The following CNTNAP2 variants were observed in gnomAD, a reference collection of about 807,000 sequenced individuals.
CNTNAP2 encodes the protein contactin-associated protein-like 2.
In CNTNAP2, 98 loss-of-function variants were observed where a neutral mutation model predicts 155.2. The ratio of observed to expected loss-of-function variants is 0.63; its 90% CI spans 0.54 to 0.75. CNTNAP2 has a LOEUF of 0.75. Among genes scored for constraint, CNTNAP2 ranks in the 30% least tolerant of loss-of-function variants. The pLI is 0.00. For missense variants in CNTNAP2, 1,727 were observed against 1,688.1 expected (o/e 1.02, Z -0.40); for synonymous variants, 651 against 631.2 (o/e 1.03, Z -0.47).
chr7:146,278,036 C>G (rs1243863852), intron 1 of CNTNAP2, among the ~76,000 whole-genome samples: 7 of 152,146 alleles, frequency 4.6e-5, no homozygotes, highest in Admixed American at 4.6e-4. Context: ...GACACAGAAG[C>G]AAAAGATACT....
At chr7:147,848,463 G>A (rs1187192369) in intron 13 of CNTNAP2, among the ~76,000 whole-genome samples, 7 of 150,414 alleles carry the variant, frequency 4.7e-5, no homozygotes, top group Admixed American at 6.6e-5. Context: ...GCTCGCACAC[G>A]GTGCGCACAC....
At chr7:147,567,047 G>T (rs1300540573) in intron 12 of CNTNAP2, among the ~76,000 whole-genome samples, 1 of 152,132 alleles carries the variant, frequency 6.6e-6, no homozygotes, top group Non-Finnish European at 1.5e-5. Flanking sequence ...CAGACGTATG[G>T]CAAATAATAG....
chr7:146,826,100 TC>T (rs1468494242), intron 2 of CNTNAP2, among the ~76,000 whole-genome samples: 2 of 151,982 alleles, frequency 1.3e-5, no homozygotes, highest in Non-Finnish European at 2.9e-5. Flanking sequence ...TCAGTAAGAG[TC>T]CCTGAGGCAG....
intron 12 of CNTNAP2, among the ~76,000 whole-genome samples, chr7:147,602,182 TA>T (rs58603215): frequency 2.4e-4 from 36 of 150,892 alleles, no homozygotes; most frequent in African/African-American, 3.9e-4. Flanking sequence ...ATTTATCCCT[TA>T]AAAAAAAATG....
At chr7:147,679,871 T>C (rs1795921554) in intron 13 of CNTNAP2, among the ~76,000 whole-genome samples, 1 of 151,824 alleles carries the variant, frequency 6.6e-6, no homozygotes, top group Non-Finnish European at 1.5e-5. Context: ...AAAATCAGGA[T>C]TGAAAAAAGG....
At chr7:147,393,297 A>T (rs1796754378) in intron 9 of CNTNAP2, among the ~76,000 whole-genome samples, 1 of 152,128 alleles carries the variant, frequency 6.6e-6, no homozygotes, top group Non-Finnish European at 1.5e-5. Flanking sequence ...AATTACCAAG[A>T]TCAAACAGAA....
rs1476474439 is a variant in CNTNAP2 at position 147,826,952 on chromosome 7, A to T, written c.2099-76613A>T. 1.3e-3 allele frequency among the ~76,000 whole-genome samples: 173 copies of T among 131,650 alleles called. 1 individual carries two copies. The highest frequency in any genetic ancestry group is 2.3e-3 in the Non-Finnish European group (149 of 64,414). The allele number at this position is 131,650 out of a possible 152,430, so 86.4% of individuals were successfully genotyped here. On this transcript the variant is annotated intron_variant, in intron 13 of 23. Coordinates refer to ENST00000361727, the MANE Select transcript of CNTNAP2 (RefSeq NM_014141.6). ...CATTTTTTTTTTTTTTTTTTTTGAG[A>T]CGGAGTCTTGCTCTGTCACCCAGGC... is the stretch of plus-strand genomic sequence containing the variant.
intron 21 of CNTNAP2, among the ~76,000 whole-genome samples, chr7:148,369,251 C>T (rs1049619915): frequency 7.7e-5 from 9 of 116,920 alleles, no homozygotes; most frequent in Middle Eastern, 9.6e-3. Flanking sequence ...CAGGCTGGAA[C>T]GCAGTGCTGT....
At chr7:146,213,774 T>C (rs1799072182) in intron 1 of CNTNAP2, among the ~76,000 whole-genome samples, 1 of 152,190 alleles carries the variant, frequency 6.6e-6, no homozygotes, top group South Asian at 2.1e-4. Context: ...TCTGTAGAAA[T>C]AGCTTAATGC....
At chr7:146,772,424 C>G (rs1051545143) in intron 1 of CNTNAP2, among the ~76,000 whole-genome samples, 3 of 149,194 alleles carry the variant, frequency 2.0e-5, no homozygotes, top group African/African-American at 7.5e-5. Flanking sequence ...TTTGGGAGGC[C>G]GAGGCGAGCA....
intron 8 of CNTNAP2, among the ~76,000 whole-genome samples, chr7:147,278,557 T>C (rs1385133696): frequency 6.6e-6 from 1 of 151,756 alleles, no homozygotes; most frequent in Non-Finnish European, 1.5e-5. Flanking sequence ...ATTTCTCTCA[T>C]CTATGACTGC....
chr7:148,154,050 G>A (rs1805355642), intron 17 of CNTNAP2, among the ~76,000 whole-genome samples: 1 of 152,242 alleles, frequency 6.6e-6, no homozygotes, highest in Admixed American at 6.5e-5. Flanking sequence ...CATGACAAAT[G>A]TCCGTGCTCA....
At chr7:146,583,309 C>T (rs1443383774) in intron 1 of CNTNAP2, among the ~76,000 whole-genome samples, 1 of 151,868 alleles carries the variant, frequency 6.6e-6, no homozygotes, top group Non-Finnish European at 1.5e-5. Flanking sequence ...GAAAGGGAAG[C>T]GAGGCACAGT....
intron 1 of CNTNAP2, among the ~76,000 whole-genome samples, chr7:146,676,085 T>A (rs1463304876): frequency 6.6e-6 from 1 of 152,182 alleles, no homozygotes; most frequent in Non-Finnish European, 1.5e-5. Flanking sequence ...AATCTTGTGT[T>A]CTATAATATT....
intron 15 of CNTNAP2, among the ~76,000 whole-genome samples, chr7:148,085,766 C>A (rs1464225218): frequency 6.6e-6 from 1 of 151,912 alleles, no homozygotes; most frequent in African/African-American, 2.4e-5. Context: ...GTTGCCCAGG[C>A]TGGAGTGCAG....
chr7:146,740,158 C>A (rs1397584972), intron 1 of CNTNAP2, among the ~76,000 whole-genome samples: 1 of 151,434 alleles, frequency 6.6e-6, no homozygotes, highest in Non-Finnish European at 1.5e-5. Context: ...TTATTTTTTT[C>A]TTCTGACTTT....
At chr7:146,848,552 G>A (rs10244002) in intron 3 of CNTNAP2, among the ~76,000 whole-genome samples, 5,554 of 152,146 alleles carry the variant, frequency 0.037, 327 homozygotes, top group African/African-American at 0.12. Flanking sequence ...GGGAACACTA[G>A]GAAAGTGGTC....
chr7:146,313,210 C>T (rs1212826094), intron 1 of CNTNAP2, among the ~76,000 whole-genome samples: 1 of 152,194 alleles, frequency 6.6e-6, no homozygotes, highest in Non-Finnish European at 1.5e-5. Context: ...CACATCCTTG[C>T]CAATACTTGT....
At chr7:147,661,698 G>A (rs552515124) in intron 13 of CNTNAP2, among the ~76,000 whole-genome samples, 1 of 152,082 alleles carries the variant, frequency 6.6e-6, no homozygotes, top group East Asian at 1.9e-4. Flanking sequence ...GATTACAGGT[G>A]TGTGCCACTA....
Sources: allele counts gnomAD v4.1 joint callset (sites outside exome capture counted in the v4.1 genomes callset), GRCh38; gene constraint gnomAD v4.1.1; transcripts MANE v1.5; gene names NCBI Gene and HGNC (gene_info 2026-07-23, HGNC 2026-07-21).